Variants in CMIP observed in about 807,000 individuals in gnomAD.
CMIP encodes the protein c-Maf inducing protein.
Under a neutral mutation model 97.3 loss-of-function variants are expected in CMIP, and 13 were observed. The ratio of observed to expected loss-of-function variants is 0.13; its 90% CI spans 0.09 to 0.21. The LOEUF (loss-of-function observed/expected upper bound fraction) is 0.21, where lower values mean the gene tolerates loss of function less well. Among genes scored for constraint, CMIP ranks in the 10% least tolerant of loss-of-function variants. CMIP has a pLI of 1.00. For synonymous variants in CMIP, 538 were observed against 436.3 expected (o/e 1.23, Z -2.91); for missense variants, 847 against 1,024.9 (o/e 0.83, Z 2.37).
intron 1 of CMIP, among the ~76,000 whole-genome samples, chr16:81,456,638 C>T (rs543225092): frequency 2.0e-5 from 3 of 152,210 alleles, no homozygotes; most frequent in Admixed American, 6.5e-5. Flanking sequence ...AACTGAGGCC[C>T]GGAGAGGAGA....
intron 1 of CMIP, among the ~76,000 whole-genome samples, chr16:81,564,795 A>T (rs1452467232): frequency 6.6e-6 from 1 of 152,230 alleles, no homozygotes; most frequent in Non-Finnish European, 1.5e-5. Context: ...TGAATATTTG[A>T]TGAGTGGAGG....
At chr16:81,592,406 C>T (rs555372738) in intron 1 of CMIP, among the ~76,000 whole-genome samples, 1 of 152,282 alleles carries the variant, frequency 6.6e-6, no homozygotes, top group South Asian at 2.1e-4. Flanking sequence ...CCTGGCGCTC[C>T]CCTCCTTACC....
chr16:81,593,795 T>G (rs1002054967), intron 1 of CMIP, among the ~76,000 whole-genome samples: 2 of 151,990 alleles, frequency 1.3e-5, no homozygotes, highest in African/African-American at 4.8e-5. Flanking sequence ...TCTTGAGGAG[T>G]CTGGGGGAGG....
intron 17 of CMIP, 33 bp from the exon 18 acceptor site, chr16:81,703,906 G>A (rs2151101399): frequency 6.3e-7 from 1 of 1,576,438 alleles, no homozygotes; most frequent in Non-Finnish European, 8.6e-7. Context: ...ACTCCCAGCA[G>A]CACCCTCAGG....
At chr16:81,692,542 T>A (rs567679521) in intron 11 of CMIP, among the ~76,000 whole-genome samples, 2 of 152,228 alleles carry the variant, frequency 1.3e-5, no homozygotes, top group Non-Finnish European at 2.9e-5. Flanking sequence ...AGGAGCCGAT[T>A]ACCAAGCGTG....
chr16:81,604,451 G>A (rs1463647777), intron 1 of CMIP, among the ~76,000 whole-genome samples: 2 of 146,894 alleles, frequency 1.4e-5, no homozygotes, highest in East Asian at 4.0e-4. Flanking sequence ...TGTAATCCCA[G>A]CACTTTGGGA....
intron 3 of CMIP, among the ~76,000 whole-genome samples, chr16:81,638,919 C>T (rs1434872327): frequency 9.9e-5 from 15 of 152,122 alleles, no homozygotes; most frequent in Admixed American, 9.8e-4. Context: ...CCACCCCACA[C>T]CCGGCCCACC....
At position 81,660,875 on chromosome 16, in the gene CMIP, G is replaced by A; in HGVS notation, c.682-9G>A. Reference sequence around the variant, plus strand: ...CCACGGTTCCTGATGCTTGTTTGTTGTGTTTCAGGCAATCGCTCCTTTGCT... The same window carrying A: ...CCACGGTTCCTGATGCTTGTTTGTTATGTTTCAGGCAATCGCTCCTTTGCT... On this transcript the variant is annotated splice_polypyrimidine_tract_variant and intron_variant, in intron 5 of 20. Coordinates refer to ENST00000537098, the MANE Select transcript of CMIP (RefSeq NM_198390.3). 6.2e-7 allele frequency: 1 copy of A among 1,613,828 alleles called. No homozygotes were observed. The highest frequency in any genetic ancestry group is 1.1e-5 in the South Asian group (1 of 91,074).
At chr16:81,521,990 G>A (rs994556646) in intron 1 of CMIP, among the ~76,000 whole-genome samples, 10 of 152,202 alleles carry the variant, frequency 6.6e-5, no homozygotes, top group South Asian at 4.1e-4. Context: ...GAAGAAAAGC[G>A]TATAAGCAGG....
At chr16:81,510,576 C>A (rs1230320530) in intron 1 of CMIP, among the ~76,000 whole-genome samples, 1 of 152,148 alleles carries the variant, frequency 6.6e-6, no homozygotes, top group Non-Finnish European at 1.5e-5. Flanking sequence ...GGATTTAAGT[C>A]CTGGAGGTGC....
At position 81,445,009 on chromosome 16, in the gene CMIP, C is replaced by T. The variant is rs920276488; in HGVS notation, c.-233C>T. ...TCAGCCGCCGCGAGCATGCACCCGACGAGCTAGGAGGAAGCCCGGAGCCCC... is the reference window on the plus strand; with the variant it reads ...TCAGCCGCCGCGAGCATGCACCCGATGAGCTAGGAGGAAGCCCGGAGCCCC... On this transcript the variant is annotated 5_prime_UTR_variant, in exon 1 of 21. In the 5' UTR this introduces an upstream ATG that the reference lacks. Transcript: ENST00000537098. Among the ~76,000 whole-genome samples, 1 of 145,220 alleles carries T rather than the reference C, an allele frequency of 6.9e-6. No homozygotes were observed. Among genetic ancestry groups the T allele is most frequent in the Non-Finnish European group, 1.5e-5 (1 of 65,418 alleles).
chr16:81,560,392 G>C (rs967144707), intron 1 of CMIP, among the ~76,000 whole-genome samples: 1 of 151,796 alleles, frequency 6.6e-6, no homozygotes, highest in Non-Finnish European at 1.5e-5. Flanking sequence ...CTCATTTTTT[G>C]TATTTTTCAT....
chr16:81,633,927 C>G (rs564138970), intron 3 of CMIP, among the ~76,000 whole-genome samples: 6 of 152,354 alleles, frequency 3.9e-5, no homozygotes, highest in East Asian at 1.9e-4. Flanking sequence ...ACTTTTGAGA[C>G]TTTTGTTAAA....
intron 11 of CMIP, among the ~76,000 whole-genome samples, chr16:81,692,573 T>C (rs1354046098): frequency 6.6e-6 from 1 of 152,186 alleles, no homozygotes; most frequent in East Asian, 1.9e-4. Context: ...GCTGCCTCTG[T>C]AAGGGCACAT....
At chr16:81,590,673 G>A (rs1597122560) in intron 1 of CMIP, among the ~76,000 whole-genome samples, 1 of 152,354 alleles carries the variant, frequency 6.6e-6, no homozygotes, top group East Asian at 1.9e-4. Flanking sequence ...AGACATTGCA[G>A]AAATGAGGGC....
chr16:81,664,815 A>T, intron 7 of CMIP: 1 of 279,846 alleles, frequency 3.6e-6, no homozygotes. Flanking sequence ...GACAACAACA[A>T]GCCAGTTAGA....
At chr16:81,520,642 C>G (rs2090006328) in intron 1 of CMIP, 1 of 147,522 alleles carries the variant, frequency 6.8e-6, no homozygotes, top group Non-Finnish European at 1.5e-5. Context: ...TCAAGATGAG[C>G]TGTGATTAAT....
In CMIP at chr16:81,495,551, CGCCT is replaced by C. The variant is rs1319865749; in HGVS notation, c.300+50013_300+50016del. 3 of 1,581,682 alleles carry C rather than the reference CGCCT, an allele frequency of 1.9e-6. No individual in the cohort carries two copies. In the African/African-American group the frequency reaches 4.0e-5, roughly 21 times the overall value. ...AGCTTGATGTCTGTGCCTAAAACCTCGCCTGCTGCTGCTGGCCACAGGCCAGTGA... is the reference window on the plus strand; with the variant it reads ...AGCTTGATGTCTGTGCCTAAAACCTCGCTGCTGCTGGCCACAGGCCAGTGA... On this transcript the variant is annotated intron_variant, in intron 1 of 20. Coordinates refer to ENST00000537098, the MANE Select transcript of CMIP (RefSeq NM_198390.3).
chr16:81,609,187 C>G (rs537655350), intron 2 of CMIP, among the ~76,000 whole-genome samples: 67 of 151,928 alleles, frequency 4.4e-4, no homozygotes, highest in African/African-American at 1.5e-3. Flanking sequence ...TCCCTCCCCC[C>G]CTCCCCACCA....
Sources: allele counts gnomAD v4.1 joint callset (sites outside exome capture counted in the v4.1 genomes callset), GRCh38; gene constraint gnomAD v4.1.1; transcripts MANE v1.5; gene names NCBI Gene and HGNC (gene_info 2026-07-23, HGNC 2026-07-21).